Variants in SLIT1 observed in about 807,000 individuals in gnomAD.
The protein encoded by SLIT1 is slit homolog 1 protein.
In SLIT1, 66 loss-of-function variants were observed where a neutral mutation model predicts 186.1. That is an observed-to-expected ratio of 0.35 (90% confidence interval 0.29 to 0.44). The LOEUF (loss-of-function observed/expected upper bound fraction) is 0.44. Ranked by LOEUF, SLIT1 falls within the 20% of genes least tolerant of loss-of-function variation. The probability of loss-of-function intolerance (pLI) is 1.00; values close to 1 mark genes in which losing one functional copy is unlikely to be tolerated. For synonymous variants in SLIT1, 761 were observed against 833.8 expected (o/e 0.91, Z 1.50); for missense variants, 1,638 against 2,037.4 (o/e 0.80, Z 3.77).
At chr10:97,165,243 C>T (rs956178672) in intron 1 of SLIT1, among the ~76,000 whole-genome samples, 4 of 152,200 alleles carry the variant, frequency 2.6e-5, no homozygotes, top group African/African-American at 7.2e-5. Flanking sequence ...GTAGAATCCT[C>T]GCTGAGCCTC....
rs1377853883 is a variant in SLIT1, at chr10:97,060,709, C to T, written c.872G>A (p.Gly291Asp). ...SCPAMCTCSN[G>D]IVDCRGKGLT... ...GCCTTTTCCACGACAGTCCACGATG[C>T]CATTGCTGCAGGTGCACATGGCCGG... Residue 291 changes from glycine to aspartate, a missense_variant, in exon 9 of 37, where the codon GGC (glycine) becomes GAC (aspartate). Coordinates refer to ENST00000266058, the MANE Select transcript of SLIT1 (RefSeq NM_003061.3). The T allele has an allele frequency of 6.2e-7, 1 of 1,613,866 alleles. No individual in the cohort carries two copies. Among genetic ancestry groups the T allele is most frequent in the Admixed American group, 1.7e-5 (1 of 60,020 alleles).
chr10:97,099,715 A>G (rs949738164), intron 4 of SLIT1, among the ~76,000 whole-genome samples: 5 of 152,190 alleles, frequency 3.3e-5, no homozygotes, highest in Non-Finnish European at 7.3e-5. Flanking sequence ...ACCTAGGAGC[A>G]GGGAAAGGCA....
intron 32 of SLIT1, among the ~76,000 whole-genome samples, chr10:97,005,645 C>T (rs889644847): frequency 1.3e-5 from 2 of 152,230 alleles, no homozygotes; most frequent in Non-Finnish European, 2.9e-5. Context: ...CAAGGATGTG[C>T]CCGAGGCAAT....
Position 97,015,091 on chromosome 10 carries a change from G to A in SLIT1, c.2970-933C>T, listed in dbSNP as rs1848444077. Among the ~76,000 whole-genome samples, 3 of 152,054 alleles carry A rather than the reference G, an allele frequency of 2.0e-5. No individual in the cohort carries two copies. The South Asian group carries it at 6.2e-4, about 32-fold the overall frequency. On this transcript the variant is annotated intron_variant, in intron 28 of 36. Transcript: ENST00000266058. ...CAAGGGGTGTGTGGATCAGAGAGAG[G>A]TCCAAGAAATTAATTTCCAGATCTT...
intron 4 of SLIT1, among the ~76,000 whole-genome samples, chr10:97,142,222 T>C (rs1849773772): frequency 6.6e-6 from 1 of 151,774 alleles, no homozygotes; most frequent in South Asian, 2.1e-4. Flanking sequence ...TACCTCCCGA[T>C]TTCAAAACTT....
At chr10:97,049,230 G>A in intron 13 of SLIT1, 112 bp from the exon 14 acceptor site, 1 of 1,292,740 alleles carries the variant, frequency 7.7e-7, no homozygotes, top group Non-Finnish European at 1.1e-6. Context: ...CCTGTGGCCT[G>A]GAGCCTAGGG....
intron 4 of SLIT1, among the ~76,000 whole-genome samples, chr10:97,069,979 A>C (rs1275474659): frequency 6.6e-6 from 1 of 151,976 alleles, no homozygotes; most frequent in East Asian, 1.9e-4. Context: ...CTCTGGGAGA[A>C]CCCAACCCAG....
intron 1 of SLIT1, among the ~76,000 whole-genome samples, chr10:97,179,801 C>CG (rs143667214): frequency 0.15 from 14,654 of 98,208 alleles, 1,624 homozygotes; most frequent in Middle Eastern, 0.22. Flanking sequence ...TCCACACCCT[C>CG]CCCGCCCCCC....
chr10:97,059,162 G>C (rs769350207), intron 11 of SLIT1, among the ~76,000 whole-genome samples: 1 of 152,346 alleles, frequency 6.6e-6, no homozygotes, highest in East Asian at 1.9e-4. Context: ...AAAGAATGCT[G>C]GGAAAATCCT....
intron 4 of SLIT1, among the ~76,000 whole-genome samples, chr10:97,098,513 C>T (rs116124642): frequency 0.013 from 2,043 of 152,250 alleles, 41 homozygotes; most frequent in African/African-American, 0.046. Flanking sequence ...GGAAGCCCAG[C>T]GTGTGCTGGG....
In SLIT1 at chr10:96,999,525, G is replaced by A. The variant is rs142534520; in HGVS notation, c.*1587C>T. ...CACAGATGGAGGGAGCCAGGGCAGGGACATGCTCACCCCCGTTGCCCACCA... is the reference window on the plus strand; with the variant it reads ...CACAGATGGAGGGAGCCAGGGCAGGAACATGCTCACCCCCGTTGCCCACCA... On this transcript the variant is annotated 3_prime_UTR_variant, in exon 37 of 37. Coordinates refer to ENST00000266058, the MANE Select transcript of SLIT1 (RefSeq NM_003061.3). 634 of 152,518 alleles carry A rather than the reference G, an allele frequency of 4.2e-3. 3 individuals are homozygous for A. The highest frequency in any genetic ancestry group is 0.019 in the South Asian group (94 of 4,830). 9.4% of individuals were successfully genotyped at this position (152,518 alleles called of 1,614,324 possible). A position where few individuals can be genotyped will look rare whatever the true frequency, so the allele number is the denominator to read the frequency against.
intron 1 of SLIT1, among the ~76,000 whole-genome samples, chr10:97,178,918 T>C (rs1850293495): frequency 6.6e-6 from 1 of 152,198 alleles, no homozygotes; most frequent in African/African-American, 2.4e-5. Flanking sequence ...TAAATTTCTT[T>C]AATCTCCTCT....
intron 5 of SLIT1, among the ~76,000 whole-genome samples, chr10:97,065,152 ACACACACACACAC>A (rs1848933338): frequency 3.4e-5 from 1 of 29,304 alleles, no homozygotes; most frequent in East Asian, 5.9e-3. Flanking sequence ...ACACACACAC[ACACACACACACAC>A]ACACATTTTG....
chr10:97,141,991 G>T (rs1477748725), intron 4 of SLIT1, among the ~76,000 whole-genome samples: 2 of 151,996 alleles, frequency 1.3e-5, no homozygotes, highest in African/African-American at 4.8e-5. Context: ...TAGAGTAAGG[G>T]TCTCACTGAT....
intron 8 of SLIT1, among the ~76,000 whole-genome samples, chr10:97,061,498 T>C (rs928489464): frequency 6.6e-6 from 1 of 152,248 alleles, no homozygotes; most frequent in African/African-American, 2.4e-5. Context: ...TTCTGAGATC[T>C]ATTGCCAAAG....
chr10:97,076,219 A>T (rs1471063971), intron 4 of SLIT1, among the ~76,000 whole-genome samples: 1 of 152,144 alleles, frequency 6.6e-6, no homozygotes, highest in Non-Finnish European at 1.5e-5. Context: ...ACAGCAGAGG[A>T]AGACTTGGCA....
intron 1 of SLIT1, among the ~76,000 whole-genome samples, chr10:97,177,774 G>A (rs1009418029): frequency 6.6e-5 from 10 of 152,136 alleles, no homozygotes; most frequent in South Asian, 2.1e-4. Flanking sequence ...TCAGGAGTTC[G>A]AGACCAGCCT....
At chr10:97,105,153 A>G (rs539247146) in intron 4 of SLIT1, among the ~76,000 whole-genome samples, 105 of 152,338 alleles carry the variant, frequency 6.9e-4, no homozygotes, top group African/African-American at 2.4e-3. Context: ...GGATAATTAT[A>G]AATAGAAAGA....
intron 4 of SLIT1, among the ~76,000 whole-genome samples, chr10:97,087,795 G>A (rs1043750542): frequency 4.6e-5 from 7 of 152,098 alleles, no homozygotes; most frequent in African/African-American, 1.4e-4. Flanking sequence ...GCGCTGGGGG[G>A]ATGGAGTCTT....
Sources: allele counts gnomAD v4.1 joint callset (sites outside exome capture counted in the v4.1 genomes callset), GRCh38; gene constraint gnomAD v4.1.1; transcripts MANE v1.5; gene names NCBI Gene and HGNC (gene_info 2026-07-23, HGNC 2026-07-21).